The following SAMD14 variants were observed in gnomAD, a reference collection of about 807,000 sequenced individuals.
The protein encoded by SAMD14 is sterile alpha motif domain containing 14.
In SAMD14, 27 loss-of-function variants were observed where a neutral mutation model predicts 46.2. The observed-to-expected ratio is 0.58, with a 90% CI of 0.43 to 0.81. SAMD14 has a LOEUF of 0.81. Among genes scored for constraint, SAMD14 ranks in the 30% least tolerant of loss-of-function variants. The probability of loss-of-function intolerance (pLI) is 0.00; values close to 1 mark genes in which losing one functional copy is unlikely to be tolerated. For synonymous variants in SAMD14, 241 were observed against 254.3 expected, an observed-to-expected ratio of 0.95 and a Z score of 0.50; for missense variants, 559 against 582.2, an observed-to-expected ratio of 0.96 and a Z score of 0.41.
At chr17:50,113,841 A>G (rs1911011576) in intron 9 of SAMD14, 83 bp downstream of exon 9, 2 of 1,555,014 alleles carry the variant, frequency 1.3e-6, no homozygotes, top group Admixed American at 3.4e-5. Flanking sequence ...GCTGAGGGTC[A>G]AAGGTCAGGA....
chr17:50,126,432 G>GT (rs1911774991), intron 1 of SAMD14, among the ~76,000 whole-genome samples: 1 of 151,906 alleles, frequency 6.6e-6, no homozygotes, highest in African/African-American at 2.4e-5. Flanking sequence ...AGCCTCCCGA[G>GT]TAGCTGGGAC....
chr17:50,121,963 A>C (rs1009073270), intron 2 of SAMD14, among the ~76,000 whole-genome samples: 3 of 152,240 alleles, frequency 2.0e-5, no homozygotes, highest in African/African-American at 7.2e-5. Context: ...CAAATAAAAT[A>C]ATCCATATAC....
At position 50,112,828 on chromosome 17, in the gene SAMD14, G is replaced by A; in HGVS notation, c.*65C>T. On this transcript the variant is annotated 3_prime_UTR_variant, in exon 10 of 10. Transcript: ENST00000330175. ...GCAGCGCCCAGGTCCAGCCTCCCTG[G>A]TGAGGCCTGTGCCCGCGGAGCCAGT... 1.3e-6 allele frequency: 2 copies of A among 1,548,294 alleles called. No individual in the cohort carries two copies.
rs187872381 is a variant in SAMD14, at chr17:50,117,821, A to G, written c.211-126T>C. ...CGGGGCCTAGAGGGAGGGTTTCCTCATGCCTTAGGCAGCGGGGTGGCTGGA... is the reference window on the plus strand; with the variant it reads ...CGGGGCCTAGAGGGAGGGTTTCCTCGTGCCTTAGGCAGCGGGGTGGCTGGA... On this transcript the variant is annotated intron_variant, in intron 3 of 9. Coordinates refer to ENST00000330175, the MANE Select transcript of SAMD14 (RefSeq NM_001257359.2). 4.8e-6 allele frequency: 5 copies of G among 1,039,114 alleles called. No homozygotes were observed. The African/African-American group carries it at 6.7e-5, about 14-fold the overall frequency. The allele number at this position is 1,039,114 out of a possible 1,614,324, so 64.4% of individuals were successfully genotyped here.
intron 3 of SAMD14, chr17:50,117,936 T>G (rs1911316502): frequency 1.6e-6 from 1 of 642,890 alleles, no homozygotes; most frequent in Non-Finnish European, 2.5e-6. Context: ...CTCCTGGACC[T>G]CTCAGGGCCT....
rs143973017 is a variant in SAMD14, at chr17:50,111,386, C to T, written c.*1507G>A. 2.0e-4 allele frequency: 31 copies of T among 152,394 alleles called. No homozygotes were observed. The highest frequency in any genetic ancestry group is 7.2e-4 in the African/African-American group (30 of 41,578). The allele number at this position is 152,394 out of a possible 1,614,324, so 9.4% of individuals were successfully genotyped here. ...TCCCCTTCACATGCAGGTGGGCACC[C>T]ACTATAGCTACTGATGGCTTTAAGG... On this transcript the variant is annotated 3_prime_UTR_variant, in exon 10 of 10. Transcript: ENST00000330175.
Position 50,110,679 on chromosome 17 carries a change from C to G in SAMD14, c.*2214G>C, listed in dbSNP as rs1378960804. On this transcript the variant is annotated 3_prime_UTR_variant, in exon 10 of 10. Coordinates refer to ENST00000330175, the MANE Select transcript of SAMD14 (RefSeq NM_001257359.2). ...GCGGAGGGGGTGGCTCTCACAGGGC[C>G]CAACTCTAAAGTGGAAGAACCTTGT... 1 of 152,170 alleles carries G rather than the reference C, an allele frequency of 6.6e-6. No individual in the cohort carries two copies. Among genetic ancestry groups the G allele is most frequent in the Non-Finnish European group, 1.5e-5 (1 of 68,060 alleles). 9.4% of individuals were successfully genotyped at this position (152,170 alleles called of 1,614,324 possible).
At chr17:50,121,690 C>A (rs1330324004) in intron 2 of SAMD14, among the ~76,000 whole-genome samples, 1 of 152,182 alleles carries the variant, frequency 6.6e-6, no homozygotes, top group African/African-American at 2.4e-5. Flanking sequence ...CCAAAGCTAA[C>A]AATATAAAGT....
Position 50,115,573 on chromosome 17 carries a change from T to C in SAMD14, c.813A>G (p.Ser271=). The change falls in exon 7 of 10, where the codon TCA becomes TCG. Residue 271 remains serine (S), a synonymous_variant. Transcript: ENST00000330175. The surrounding 1 kb of genome is among the most constrained non-coding windows in gnomAD (Gnocchi z 5.3). ...PKHEGFSPKK[S]ASQESTLSDD... ...AAAGGCATGGACTTACCTGGGAAGC[T>C]GACTTCTTAGGGCTGAAGCCCTCGT... 6.5e-7 allele frequency: 1 copy of C among 1,538,226 alleles called. No homozygotes were observed. Among genetic ancestry groups the C allele is most frequent in the Non-Finnish European group, 8.8e-7 (1 of 1,140,068 alleles).
At chr17:50,116,548 G>A (rs1004069411) in intron 4 of SAMD14, among the ~76,000 whole-genome samples, 1 of 151,864 alleles carries the variant, frequency 6.6e-6, no homozygotes, top group Non-Finnish European at 1.5e-5. Context: ...TGGGATTACA[G>A]GCGCCCGCCA....
In SAMD14 at chr17:50,129,237, G is replaced by A. The variant is rs571076854; in HGVS notation, c.-13+280C>T. Among the ~76,000 whole-genome samples, 53 of 152,106 alleles carry A rather than the reference G, an allele frequency of 3.5e-4. No homozygotes were observed. The highest frequency in any genetic ancestry group is 1.2e-3 in the African/African-American group (51 of 41,492). ...CTCCAAACCATCAGCACAACTCCCC[G>A]CCGGGCAAGAAAGAGTTAAGCCCTC... On this transcript the variant is annotated intron_variant, in intron 1 of 9. Transcript: ENST00000330175. This position sits in a 1 kb window ranked among gnomAD's most constrained non-coding sequence, Gnocchi z 5.6.
intron 2 of SAMD14, among the ~76,000 whole-genome samples, chr17:50,118,862 G>A (rs1439531386): frequency 6.6e-6 from 1 of 152,168 alleles, no homozygotes; most frequent in African/African-American, 2.4e-5. Flanking sequence ...AAAACAACCC[G>A]GTGGGGTTAG....
rs1335916142 is a variant in SAMD14 at position 50,117,650 on chromosome 17, A to G, written c.256T>C (p.Leu86=). Reference sequence around the variant, plus strand: ...GCCGGGGACCCCGGGCCTGAGTGCAAAGGCGAGCGCAGCCGGTGCAGGGGG... The same window carrying G: ...GCCGGGGACCCCGGGCCTGAGTGCAGAGGCGAGCGCAGCCGGTGCAGGGGG... ...GSPLHRLRSP[L]HSGPGSPAGG... Residue 86 remains leucine (L), a synonymous_variant, in exon 4 of 10, where the codon TTG becomes CTG. Transcript: ENST00000330175. 4 of 1,555,234 alleles carry G rather than the reference A, an allele frequency of 2.6e-6. No individual in the cohort carries two copies. In the South Asian group the frequency reaches 3.5e-5, roughly 14 times the overall value.
intron 2 of SAMD14, among the ~76,000 whole-genome samples, chr17:50,122,945 T>TGG (rs972085530): frequency 6.6e-6 from 1 of 151,554 alleles, no homozygotes; most frequent in African/African-American, 2.4e-5. Flanking sequence ...TTCCAGCCCC[T>TGG]GGGGCTGAGC....
At position 50,113,760 on chromosome 17, in the gene SAMD14, G is replaced by GA. The variant is rs1241342748; in HGVS notation, c.1098+163dup. ...CTACAACTCAAAAGATTAGACCAAG[G>GA]ACCTTGCCTAGAGGTCAGAGGTCAG... On this transcript the variant is annotated intron_variant, in intron 9 of 9. Transcript: ENST00000330175. 12 of 698,680 alleles carry GA rather than the reference G, an allele frequency of 1.7e-5. No individual in the cohort carries two copies. In the East Asian group the frequency reaches 3.0e-4, roughly 17 times the overall value. The allele number at this position is 698,680 out of a possible 1,614,324, so 43.3% of individuals were successfully genotyped here. A position where few individuals can be genotyped will look rare whatever the true frequency, so the allele number is the denominator to read the frequency against.
chr17:50,124,002 G>T (rs558113505), intron 2 of SAMD14: 18 of 443,528 alleles, frequency 4.1e-5, no homozygotes, highest in Admixed American at 1.9e-4. Context: ...CATGACCAGG[G>T]GAGAGAGGGA....
At chr17:50,128,642 G>A (rs1445429438) in intron 1 of SAMD14, among the ~76,000 whole-genome samples, 4 of 152,208 alleles carry the variant, frequency 2.6e-5, no homozygotes, top group Non-Finnish European at 5.9e-5. Context: ...GAGAAAGGGA[G>A]GCAGGTGAGC....
intron 1 of SAMD14, chr17:50,125,352 C>T (rs1235646101): frequency 1.6e-5 from 3 of 191,408 alleles, no homozygotes; most frequent in Non-Finnish European, 3.3e-5. Flanking sequence ...ATCAACTGTC[C>T]AATCAAATCT....
rs200368464 is a variant in SAMD14 at position 50,115,827 on chromosome 17, C to T, written c.662+3G>A. On this transcript the variant is annotated splice_donor_region_variant and intron_variant, in intron 6 of 9. Coordinates refer to ENST00000330175, the MANE Select transcript of SAMD14 (RefSeq NM_001257359.2). This position sits in a 1 kb window ranked among gnomAD's most constrained non-coding sequence, Gnocchi z 5.3. Reference sequence around the variant, plus strand: ...TGGGTGGGCCGCCATGGGCACCTCTCACCTGCTGCCCATGGACAGTCGGTT... The same window carrying T: ...TGGGTGGGCCGCCATGGGCACCTCTTACCTGCTGCCCATGGACAGTCGGTT... The T allele has an allele frequency of 6.2e-7, 1 of 1,612,792 alleles. No homozygotes were observed. Among genetic ancestry groups the T allele is most frequent in the East Asian group, 2.2e-5 (1 of 44,886 alleles).
Sources: gnomAD v4.1 joint callset for allele counts (sites outside exome capture counted in the v4.1 genomes callset) on GRCh38, gnomAD v4.1.1 for gene constraint, Gnocchi (gnomAD v3.1) non-coding constraint, MANE v1.5 for transcripts, NCBI Gene and HGNC (gene_info 2026-07-23, HGNC 2026-07-21) for gene names.